Variants in NRIP1 observed in about 807,000 individuals in gnomAD.
The protein encoded by NRIP1 is nuclear receptor interacting protein 1, also known as nuclear receptor-interacting protein 1.
In NRIP1, 28 loss-of-function variants were observed where a neutral mutation model predicts 75.0. That is an observed-to-expected ratio of 0.37 (90% CI 0.28 to 0.51). The LOEUF (loss-of-function observed/expected upper bound fraction) is 0.51, where lower values mean the gene tolerates loss of function less well. NRIP1 is among the 20% of genes least tolerant of loss of function. NRIP1 has a pLI of 0.92. For synonymous variants in NRIP1, 526 were observed against 487.6 expected (o/e 1.08, Z -1.04); for missense variants, 1,435 against 1,343.7 (o/e 1.07, Z -1.06).
In NRIP1 at chr21:14,965,212, C is replaced by A; in HGVS notation, c.2981G>T (p.Cys994Phe). The stretch of plus-strand genomic sequence containing the variant: ...GTATGAAAATGTCCTGTTATCCATG[C>A]AACTGCTGGGCTGAGTGGAACTGTA... ...LMYSSTQPSSCMDNRTFSYPG... is the reference protein window; with the variant it reads ...LMYSSTQPSSFMDNRTFSYPG... The change falls in exon 4 of 4, where the codon TGC becomes TTC. Residue 994 changes from cysteine (C) to phenylalanine (F), a missense_variant. Coordinates refer to ENST00000318948, the MANE Select transcript of NRIP1 (RefSeq NM_003489.4). 1 of 1,613,916 alleles carries A rather than the reference C, an allele frequency of 6.2e-7. No homozygotes were observed. The highest frequency in any genetic ancestry group is 1.3e-5 in the African/African-American group (1 of 75,018).
intron 3 of NRIP1, among the ~76,000 whole-genome samples, chr21:14,975,135 T>C (rs567768564): frequency 6.6e-6 from 1 of 151,948 alleles, no homozygotes; most frequent in East Asian, 1.9e-4. Context: ...GAAGGACGAA[T>C]GGATGGAAGG....
At chr21:15,028,428 C>A (rs2088570867) in intron 2 of NRIP1, among the ~76,000 whole-genome samples, 1 of 152,202 alleles carries the variant, frequency 6.6e-6, no homozygotes, top group South Asian at 2.1e-4. Context: ...TTTAATAACA[C>A]ATTTCCTTTA....
At position 14,971,621 on chromosome 21, in the gene NRIP1, TCTC is replaced by T. The variant is rs536475211; in HGVS notation, c.-334-3098_-334-3096del. On this transcript the variant is annotated intron_variant, in intron 3 of 3. Coordinates refer to ENST00000318948, the MANE Select transcript of NRIP1 (RefSeq NM_003489.4). ...AACATCTCTAATAATAAAAATATCT[TCTC>T]CTCATGCTACTTCTTTTCACATTTT... is the stretch of plus-strand genomic sequence containing the variant. 21 of 152,316 alleles carry T rather than the reference TCTC, an allele frequency of 1.4e-4. No individual in the cohort carries two copies. In the East Asian group the frequency reaches 3.5e-3, roughly 25 times the overall value. 9.4% of individuals were successfully genotyped at this position (152,316 alleles called of 1,614,324 possible).
chr21:15,037,741 G>A (rs2088867024), intron 2 of NRIP1, among the ~76,000 whole-genome samples: 1 of 151,994 alleles, frequency 6.6e-6, no homozygotes, highest in Non-Finnish European at 1.5e-5. Context: ...TTAAGGAAGG[G>A]GCAAACCAAA....
rs776105051 is a variant in NRIP1 at position 14,966,617 on chromosome 21, C to T, written c.1576G>A (p.Val526Met). 5.0e-6 allele frequency: 8 copies of T among 1,613,974 alleles called. No individual in the cohort carries two copies. In the Admixed American group the frequency reaches 1.2e-4, roughly 24 times the overall value. ...NTSPQGVHND[V>M]SKFNTQNYAR... ...TAATTTTGTGTATTGAACTTGCTCA[C>T]ATCATTGTGTACTCCCTGAGGGCTG... The change falls in exon 4 of 4, where the codon GTG becomes ATG. Residue 526 changes from valine to methionine, a missense_variant. By Grantham distance (21) the Val-to-Met change is conservative. Transcript: ENST00000318948.
intron 1 of NRIP1, among the ~76,000 whole-genome samples, chr21:15,056,257 A>C (rs2089303854): frequency 6.6e-6 from 1 of 151,848 alleles, no homozygotes; most frequent in Non-Finnish European, 1.5e-5. Flanking sequence ...AATAACTTCA[A>C]TTTGTGAAAG....
At chr21:15,005,983 T>C (rs2087962747) in intron 3 of NRIP1, among the ~76,000 whole-genome samples, 2 of 152,102 alleles carry the variant, frequency 1.3e-5, no homozygotes. Flanking sequence ...AGGTTAAGAC[T>C]AAAAAATATT....
At chr21:15,005,130 A>T (rs2087933361) in intron 3 of NRIP1, among the ~76,000 whole-genome samples, 1 of 152,244 alleles carries the variant, frequency 6.6e-6, no homozygotes, top group Non-Finnish European at 1.5e-5. Context: ...GACATAAGGA[A>T]TTCAAAGCAA....
At chr21:15,011,964 T>TTAA (rs1166979919) in intron 3 of NRIP1, among the ~76,000 whole-genome samples, 4 of 152,218 alleles carry the variant, frequency 2.6e-5, no homozygotes, top group Non-Finnish European at 5.9e-5. Flanking sequence ...ACTTCATTCT[T>TTAA]TATTTAGTTT....
At chr21:14,982,795 T>A (rs1241248964) in intron 3 of NRIP1, among the ~76,000 whole-genome samples, 1 of 151,708 alleles carries the variant, frequency 6.6e-6, no homozygotes, top group East Asian at 1.9e-4. Flanking sequence ...TCCAACAGCA[T>A]GTGCCCACTT....
Position 15,058,207 on chromosome 21 carries a change from C to T in NRIP1, c.-538+6538G>A, listed in dbSNP as rs142723902. Among the ~76,000 whole-genome samples the T allele has an allele frequency of 2.2e-4, 33 of 152,162 alleles. No homozygotes were observed. The East Asian group carries it at 3.1e-3, about 14-fold the overall frequency. On this transcript the variant is annotated intron_variant, in intron 1 of 3. Coordinates refer to ENST00000318948, the MANE Select transcript of NRIP1 (RefSeq NM_003489.4). Reference sequence around the variant, plus strand: ...GCAGAACCTAAACTCGAAAAATAAACGTGGAATAACAGGAATACTATTTTT... The same window carrying T: ...GCAGAACCTAAACTCGAAAAATAAATGTGGAATAACAGGAATACTATTTTT...
intron 2 of NRIP1, among the ~76,000 whole-genome samples, chr21:15,026,972 C>G (rs1246803702): frequency 6.6e-6 from 1 of 152,094 alleles, no homozygotes; most frequent in African/African-American, 2.4e-5. Flanking sequence ...CTTCACATTG[C>G]ATGCCTGTAT....
At chr21:15,011,468 C>A (rs976159063) in intron 3 of NRIP1, among the ~76,000 whole-genome samples, 1 of 152,092 alleles carries the variant, frequency 6.6e-6, no homozygotes, top group Non-Finnish European at 1.5e-5. Flanking sequence ...GGATTGCAAG[C>A]GTGAGCCACC....
intron 3 of NRIP1, among the ~76,000 whole-genome samples, chr21:14,994,163 C>T (rs1306541086): frequency 6.6e-5 from 10 of 152,010 alleles, no homozygotes; most frequent in Admixed American, 6.6e-4. Context: ...CTTGCTCTAT[C>T]GCCCAGGCTG....
At chr21:15,007,084 G>GGA (rs2087990765) in intron 3 of NRIP1, among the ~76,000 whole-genome samples, 1 of 152,190 alleles carries the variant, frequency 6.6e-6, no homozygotes, top group Admixed American at 6.5e-5. Context: ...CAATGGGAGT[G>GGA]GAGATTAGGC....
At chr21:15,023,172 A>G (rs1385679215) in intron 2 of NRIP1, among the ~76,000 whole-genome samples, 1 of 152,242 alleles carries the variant, frequency 6.6e-6, no homozygotes, top group Non-Finnish European at 1.5e-5. Flanking sequence ...TGTGAACATA[A>G]AAACTACGGA....
chr21:14,966,471 G>C lies in NRIP1; in HGVS notation c.1722C>G (p.Val574=). 6.2e-7 allele frequency: 1 copy of C among 1,614,050 alleles called. No homozygotes were observed. The highest frequency in any genetic ancestry group is 8.5e-7 in the Non-Finnish European group (1 of 1,179,974). The change falls in exon 4 of 4, where the codon GTC becomes GTG. Residue 574 remains valine (V), a synonymous_variant. Transcript: ENST00000318948. ...CATATGGTGGGGAATTCCATTTGAT[G>C]ACCAGAGAGTGTTGAGAGAGATTGA... ...SPINLSQHSL[V]IKWNSPPYVC... is the part of the protein sequence containing the mutation.
At chr21:14,999,029 G>A (rs1470819947) in intron 3 of NRIP1, among the ~76,000 whole-genome samples, 1 of 152,180 alleles carries the variant, frequency 6.6e-6, no homozygotes, top group Non-Finnish European at 1.5e-5. Context: ...GAGAGAGGCA[G>A]GCTCGTGCTC....
chr21:15,062,352 T>C (rs1486036396), intron 1 of NRIP1, among the ~76,000 whole-genome samples: 2 of 152,264 alleles, frequency 1.3e-5, no homozygotes, highest in East Asian at 3.8e-4. Flanking sequence ...CCAGAATTTC[T>C]GTAGTTGTAA....
Sources: gnomAD v4.1 joint callset for allele counts (sites outside exome capture counted in the v4.1 genomes callset) on GRCh38, gnomAD v4.1.1 for gene constraint, MANE v1.5 for transcripts, NCBI Gene and HGNC (gene_info 2026-07-23, HGNC 2026-07-21) for gene names.